Variants in BMPER observed in about 807,000 individuals in gnomAD.
BMPER encodes the protein BMP-binding endothelial regulator protein.
In BMPER, 45 loss-of-function variants were observed where a neutral mutation model predicts 87.3. The observed-to-expected ratio is 0.52, with a 90% CI of 0.41 to 0.66. The LOEUF is 0.66. BMPER is among the 30% of genes least tolerant of loss of function. BMPER has a pLI of 0.00. For missense variants in BMPER, 784 were observed against 867.5 expected, an observed-to-expected ratio of 0.90 and a Z score of 1.21; for synonymous variants, 326 against 316.2, an observed-to-expected ratio of 1.03 and a Z score of -0.33.
At chr7:34,098,888 A>G (rs576033331) in intron 13 of BMPER, among the ~76,000 whole-genome samples, 78 of 152,330 alleles carry the variant, frequency 5.1e-4, no homozygotes, top group African/African-American at 1.7e-3. Flanking sequence ...ATTTACTTCA[A>G]GAGAATAAAA....
chr7:34,065,916 A>G (rs964739303), intron 11 of BMPER, among the ~76,000 whole-genome samples: 3 of 152,228 alleles, frequency 2.0e-5, no homozygotes, highest in Non-Finnish European at 2.9e-5. Context: ...GCACACATAC[A>G]TGCATACGTC....
intron 3 of BMPER, among the ~76,000 whole-genome samples, chr7:33,958,203 A>C (rs1349042856): frequency 2.0e-5 from 3 of 152,134 alleles, no homozygotes; most frequent in African/African-American, 7.2e-5. Context: ...TACGTCACCC[A>C]CCTTTCTTGC....
At chr7:33,937,513 GGTGTGT>G (rs376953621) in intron 3 of BMPER, 125 bp downstream of exon 3, 41 of 734,288 alleles carry the variant, frequency 5.6e-5, no homozygotes, top group African/African-American at 2.9e-4. Context: ...GGAGAAGTAG[GGTGTGT>G]GTGTGTGTGT....
At chr7:34,111,253 G>T (rs1271396214) in intron 13 of BMPER, among the ~76,000 whole-genome samples, 1 of 152,204 alleles carries the variant, frequency 6.6e-6, no homozygotes, top group Non-Finnish European at 1.5e-5. Context: ...TTTGGTTCTA[G>T]ATTATTAGCA....
intron 13 of BMPER, among the ~76,000 whole-genome samples, chr7:34,098,719 A>C (rs945577125): frequency 2.6e-5 from 4 of 152,156 alleles, no homozygotes; most frequent in African/African-American, 4.8e-5. Flanking sequence ...GCTTTTCCAT[A>C]TGAAGAGGAA....
intron 10 of BMPER, among the ~76,000 whole-genome samples, chr7:34,059,563 AGGCCCCGGCCTCAGG>A (rs1788378107): frequency 7.0e-6 from 1 of 143,368 alleles, no homozygotes; most frequent in Non-Finnish European, 1.5e-5. Flanking sequence ...GCCCCTGCCA[AGGCCCCGGCCTCAGG>A]GGCCACCTTT....
intron 6 of BMPER, among the ~76,000 whole-genome samples, chr7:34,033,366 AGTTATTT>A (rs1277481898): frequency 6.6e-6 from 1 of 152,158 alleles, no homozygotes; most frequent in African/African-American, 2.4e-5. Flanking sequence ...ATGCACATTG[AGTTATTT>A]GTTTATATCA....
At chr7:34,007,872 A>G (rs1013194265) in intron 6 of BMPER, among the ~76,000 whole-genome samples, 5 of 151,940 alleles carry the variant, frequency 3.3e-5, no homozygotes, top group African/African-American at 9.7e-5. Context: ...GTTTTAGGGT[A>G]CTGTGAAACT....
chr7:34,093,298 T>G (rs992858713), intron 13 of BMPER, among the ~76,000 whole-genome samples: 1 of 152,206 alleles, frequency 6.6e-6, no homozygotes, highest in African/African-American at 2.4e-5. Flanking sequence ...CACCCAAGCC[T>G]TTGGTGTTCA....
At chr7:33,972,754 AC>A (rs879459918) in intron 5 of BMPER, among the ~76,000 whole-genome samples, 13 of 152,330 alleles carry the variant, frequency 8.5e-5, no homozygotes, top group Admixed American at 3.3e-4. Context: ...AGTGCCACCC[AC>A]CAGCCCCCTG....
intron 13 of BMPER, among the ~76,000 whole-genome samples, chr7:34,101,159 T>C (rs1049220937): frequency 6.6e-6 from 1 of 152,226 alleles, no homozygotes; most frequent in African/African-American, 2.4e-5. Flanking sequence ...ATGCTTCCAC[T>C]TAAGGCTTGG....
chr7:33,933,146 G>C (rs1030902229), intron 2 of BMPER, among the ~76,000 whole-genome samples: 9 of 152,190 alleles, frequency 5.9e-5, no homozygotes, highest in Non-Finnish European at 8.8e-5. Context: ...AATCCTTATA[G>C]AGCTTTGTTG....
At chr7:34,022,298 G>A (rs765049556) in intron 6 of BMPER, among the ~76,000 whole-genome samples, 4 of 151,966 alleles carry the variant, frequency 2.6e-5, no homozygotes, top group Non-Finnish European at 5.9e-5. Flanking sequence ...TTCTTCTAGG[G>A]ATCATTTCCC....
intron 13 of BMPER, among the ~76,000 whole-genome samples, chr7:34,095,102 A>T (rs1789493339): frequency 6.6e-6 from 1 of 152,202 alleles, no homozygotes; most frequent in African/African-American, 2.4e-5. Flanking sequence ...AATTCTTTCA[A>T]TGGATAAGAT....
chr7:34,067,538 G>A (rs776967672), intron 11 of BMPER, among the ~76,000 whole-genome samples: 2 of 152,118 alleles, frequency 1.3e-5, no homozygotes, highest in Non-Finnish European at 2.9e-5. Context: ...CCTTAACACC[G>A]AGAGTCTGTC....
In BMPER at chr7:34,153,267, G is replaced by A; in HGVS notation, c.2052G>A (p.Gln684=). The change falls in exon 15 of 15, where the codon CAG becomes CAA. Residue 684 remains glutamine (Q), a synonymous_variant. Coordinates refer to ENST00000649409, the MANE Select transcript of BMPER (RefSeq NM_001365308.1). The stretch of plus-strand genomic sequence containing the variant: ...GCATCAAGCCAGTCCTTTGTCCCCA[G>A]CGGTGACCTTTGTTTCGATCCTTAA... ...GRCIKPVLCP[Q]R 6.2e-7 allele frequency: 1 copy of A among 1,613,990 alleles called. No individual in the cohort carries two copies. Among genetic ancestry groups the A allele is most frequent in the Admixed American group, 1.7e-5 (1 of 59,994 alleles).
chr7:34,070,343 C>G (rs925532961), intron 11 of BMPER, among the ~76,000 whole-genome samples: 15 of 152,134 alleles, frequency 9.9e-5, no homozygotes, highest in African/African-American at 3.1e-4. Context: ...AAGATTTGAG[C>G]CTTAATGTTA....
intron 13 of BMPER, among the ~76,000 whole-genome samples, chr7:34,102,775 C>T (rs1789715102): frequency 6.6e-6 from 1 of 152,132 alleles, no homozygotes; most frequent in South Asian, 2.1e-4. Flanking sequence ...AGTTTGGACC[C>T]TCCTAACTTA....
chr7:34,110,922 C>T (rs1364699919), intron 13 of BMPER, among the ~76,000 whole-genome samples: 1 of 152,144 alleles, frequency 6.6e-6, no homozygotes, highest in Non-Finnish European at 1.5e-5. Flanking sequence ...TACATGAACT[C>T]AAGAACTTGT....
Sources: gnomAD v4.1 joint callset for allele counts (sites outside exome capture counted in the v4.1 genomes callset) on GRCh38, gnomAD v4.1.1 for gene constraint, MANE v1.5 for transcripts, NCBI Gene and HGNC (gene_info 2026-07-23, HGNC 2026-07-21) for gene names.